The following LRP1B variants were observed in gnomAD, a reference collection of about 807,000 sequenced individuals.
The protein encoded by LRP1B is low-density lipoprotein receptor-related protein 1B.
A neutral mutation model predicts 556.6 loss-of-function variants in LRP1B; 217 were observed. The observed-to-expected ratio is 0.39, with a 90% CI of 0.35 to 0.44. LRP1B has a LOEUF of 0.44. Among genes scored for constraint, LRP1B ranks in the 20% least tolerant of loss-of-function variants. LRP1B has a pLI of 1.00. For synonymous variants in LRP1B, 2,047 were observed against 1,865.8 expected, an observed-to-expected ratio of 1.10 and a Z score of -2.50; for missense variants, 5,053 against 5,620.8, an observed-to-expected ratio of 0.90 and a Z score of 3.23.
intron 2 of LRP1B, among the ~76,000 whole-genome samples, chr2:141,550,014 CT>C (rs1219738261): frequency 2.6e-5 from 4 of 152,116 alleles, no homozygotes; most frequent in African/African-American, 9.7e-5. Context: ...AAAAGAAACA[CT>C]GCGTTCAAAT....
intron 11 of LRP1B, among the ~76,000 whole-genome samples, chr2:141,037,904 A>AC (rs1400561354): frequency 6.9e-6 from 1 of 144,246 alleles, no homozygotes; most frequent in African/African-American, 2.5e-5. Context: ...ACTCACATAC[A>AC]AACACACACA....
At chr2:141,578,208 A>G (rs1686826216) in intron 2 of LRP1B, among the ~76,000 whole-genome samples, 1 of 152,068 alleles carries the variant, frequency 6.6e-6, no homozygotes, top group African/African-American at 2.4e-5. Flanking sequence ...AACCTGAACA[A>G]CATGGTGAAA....
chr2:140,511,414 G>A (rs1004312042), intron 51 of LRP1B, among the ~76,000 whole-genome samples: 1 of 138,870 alleles, frequency 7.2e-6, no homozygotes, highest in Non-Finnish European at 1.5e-5. Context: ...CCATTCTCCC[G>A]CCTCAGCCTC....
At chr2:140,583,490 T>C (rs576092664) in intron 43 of LRP1B, among the ~76,000 whole-genome samples, 85 of 152,166 alleles carry the variant, frequency 5.6e-4, no homozygotes, top group African/African-American at 2.0e-3. Context: ...TCTCCTTTAA[T>C]ATGTGTAAAA....
At chr2:141,465,489 C>T (rs1283011170) in intron 3 of LRP1B, among the ~76,000 whole-genome samples, 1 of 151,426 alleles carries the variant, frequency 6.6e-6, no homozygotes, top group Admixed American at 6.6e-5. Flanking sequence ...AGGAGCTATC[C>T]TTTATGGACA....
At chr2:141,956,915 C>T (rs887421136) in intron 1 of LRP1B, among the ~76,000 whole-genome samples, 1 of 151,778 alleles carries the variant, frequency 6.6e-6, no homozygotes, top group Admixed American at 6.6e-5. Context: ...TCTTTAGTGC[C>T]CTAAAATAGC....
intron 2 of LRP1B, among the ~76,000 whole-genome samples, chr2:141,804,241 T>C (rs1407673110): frequency 1.3e-5 from 2 of 152,130 alleles, no homozygotes; most frequent in Admixed American, 6.6e-5. Context: ...AAATGTATAC[T>C]CTGCTTTCCC....
At chr2:140,780,251 A>G (rs1689651759) in intron 32 of LRP1B, among the ~76,000 whole-genome samples, 1 of 152,140 alleles carries the variant, frequency 6.6e-6, no homozygotes, top group African/African-American at 2.4e-5. Flanking sequence ...TTCTGTTATT[A>G]TGTGTTTATT....
intron 1 of LRP1B, among the ~76,000 whole-genome samples, chr2:141,924,911 CTTTTT>C (rs910380407): frequency 1.1e-4 from 16 of 151,944 alleles, no homozygotes; most frequent in Admixed American, 7.2e-4. Flanking sequence ...TGATTTTTCT[CTTTTT>C]TTTCCTCAGA....
chr2:141,726,477 G>A (rs921328920), intron 2 of LRP1B, among the ~76,000 whole-genome samples: 6 of 151,848 alleles, frequency 4.0e-5, no homozygotes, highest in African/African-American at 1.4e-4. Context: ...GGTTAATTTG[G>A]AAATACTATT....
intron 11 of LRP1B, among the ~76,000 whole-genome samples, chr2:141,035,301 C>A (rs1313548948): frequency 2.0e-5 from 3 of 151,900 alleles, no homozygotes; most frequent in Admixed American, 6.6e-5. Flanking sequence ...CACATGTATA[C>A]ATATGTAACT....
chr2:140,342,274 T>C (rs1412945168), intron 77 of LRP1B, among the ~76,000 whole-genome samples: 2 of 151,330 alleles, frequency 1.3e-5, no homozygotes, highest in East Asian at 3.9e-4. Context: ...GAAATTAAAC[T>C]TTCAAGGAAA....
chr2:141,678,572 G>A (rs1690977258), intron 2 of LRP1B, among the ~76,000 whole-genome samples: 1 of 152,106 alleles, frequency 6.6e-6, no homozygotes, highest in Non-Finnish European at 1.5e-5. Context: ...AGAAATGGGA[G>A]AGAAAGTATA....
chr2:141,668,165 T>C (rs1690515853), intron 2 of LRP1B, among the ~76,000 whole-genome samples: 1 of 152,196 alleles, frequency 6.6e-6, no homozygotes, highest in African/African-American at 2.4e-5. Flanking sequence ...TTTCTAAATA[T>C]ACAAACCATT....
At chr2:140,904,421 G>T (rs1694188832) in intron 22 of LRP1B, among the ~76,000 whole-genome samples, 1 of 140,922 alleles carries the variant, frequency 7.1e-6, no homozygotes, top group African/African-American at 2.6e-5. Flanking sequence ...AAAGACTATT[G>T]TCTAATAATC....
At chr2:141,990,811 T>C (rs1391455431) in intron 1 of LRP1B, among the ~76,000 whole-genome samples, 5 of 152,022 alleles carry the variant, frequency 3.3e-5, no homozygotes, top group African/African-American at 9.7e-5. Flanking sequence ...GTCATTCTGT[T>C]AGACTCACAT....
At chr2:141,112,907 A>C (rs570991974) in intron 7 of LRP1B, among the ~76,000 whole-genome samples, 1 of 152,326 alleles carries the variant, frequency 6.6e-6, no homozygotes, top group South Asian at 2.1e-4. Flanking sequence ...TATTTTTTTA[A>C]AAAAGTTCAT....
At chr2:140,630,298 C>G (rs1408877771) in intron 41 of LRP1B, among the ~76,000 whole-genome samples, 1 of 152,196 alleles carries the variant, frequency 6.6e-6, no homozygotes, top group African/African-American at 2.4e-5. Context: ...AAGAATCAGA[C>G]TAGTTTCAGC....
At position 140,851,646 on chromosome 2, in the gene LRP1B, A is replaced by G. The variant is rs1692460480; in HGVS notation, c.4711+6T>C. ...TTATTTTCGATTAGAACTGTAAGAA[A>G]TTTACCATAGCAGGTCTTCTTGTCT... On this transcript the variant is annotated splice_donor_region_variant and intron_variant, in intron 28 of 90. Transcript: ENST00000389484. 1 of 1,606,826 alleles carries G rather than the reference A, an allele frequency of 6.2e-7. No individual in the cohort carries two copies. Among genetic ancestry groups the G allele is most frequent in the Non-Finnish European group, 8.5e-7 (1 of 1,177,654 alleles).
Sources: gnomAD v4.1 joint callset for allele counts (sites outside exome capture counted in the v4.1 genomes callset) on GRCh38, gnomAD v4.1.1 for gene constraint, MANE v1.5 for transcripts, NCBI Gene and HGNC (gene_info 2026-07-23, HGNC 2026-07-21) for gene names.